EPS8: variants seen among roughly 807,000 people sequenced by gnomAD.
EPS8 encodes epidermal growth factor receptor kinase substrate 8.
A neutral mutation model predicts 103.8 loss-of-function variants in EPS8; 42 were observed. The observed-to-expected ratio is 0.40, with a 90% confidence interval of 0.32 to 0.52. The LOEUF is 0.52. EPS8 is among the 20% of genes least tolerant of loss of function. The pLI, the probability that EPS8 is intolerant of heterozygous loss-of-function variation, is 0.40. For missense variants in EPS8, 969 were observed against 1,005.1 expected (o/e 0.96, Z 0.49); for synonymous variants, 344 against 344.6 (o/e 1.00, Z 0.02).
chr12:15,689,146 TC>T (rs1740462635), intron 1 of EPS8, among the ~76,000 whole-genome samples: 2 of 152,076 alleles, frequency 1.3e-5, no homozygotes, highest in African/African-American at 2.4e-5. Flanking sequence ...TTTTTTTTTT[TC>T]AGTAAGTTAC....
rs915270937 is a variant in EPS8, at chr12:15,772,368, G to C, written c.-22+16793C>G. 2.6e-5 allele frequency among the ~76,000 whole-genome samples: 4 copies of C among 152,070 alleles called. No individual in the cohort carries two copies. Among genetic ancestry groups the C allele is most frequent in the Admixed American group, 6.6e-5 (1 of 15,260 alleles). On this transcript the variant is annotated intron_variant, in intron 1 of 20. Transcript: ENST00000281172. The surrounding 1 kb of genome is among the most constrained non-coding windows in gnomAD (Gnocchi z 5.0). The stretch of plus-strand genomic sequence containing the variant: ...AATAGAGTTAGAGTTCCCAAGAAAG[G>C]CATCACCTGAAGAACTGAGAGTAAC...
intron 1 of EPS8, among the ~76,000 whole-genome samples, chr12:15,750,275 T>C (rs1485413031): frequency 6.6e-6 from 1 of 152,186 alleles, no homozygotes; most frequent in South Asian, 2.1e-4. Context: ...TACATGCACA[T>C]GCACACACAC....
intron 18 of EPS8, 131 bp from the exon 19 acceptor site, chr12:15,624,538 C>A (rs1003676743): frequency 3.3e-6 from 2 of 608,218 alleles, no homozygotes; most frequent in Admixed American, 5.9e-5. Flanking sequence ...TCTTTCCTCA[C>A]TTTTATCCTC....
chr12:15,625,532 G>A (rs532458925), intron 18 of EPS8, among the ~76,000 whole-genome samples: 195 of 151,862 alleles, frequency 1.3e-3, no homozygotes, highest in South Asian at 0.011. Flanking sequence ...TCTTAATGTC[G>A]CCGAAATTCA....
intron 12 of EPS8, 177 bp from the exon 13 acceptor site, chr12:15,654,470 C>T: frequency 3.2e-6 from 2 of 631,408 alleles, no homozygotes; most frequent in Non-Finnish European, 5.5e-6. Context: ...CTTGCCCAGC[C>T]CAGCAGTGCT....
rs1383697879 is a variant in EPS8 at position 15,695,699 on chromosome 12, G to T, written c.-21-12727C>A. 6.6e-6 allele frequency among the ~76,000 whole-genome samples: 1 copy of T among 152,158 alleles called. No homozygotes were observed. Among genetic ancestry groups the T allele is most frequent in the Admixed American group, 6.5e-5 (1 of 15,272 alleles). On this transcript the variant is annotated intron_variant, in intron 1 of 20. Coordinates refer to ENST00000281172, the MANE Select transcript of EPS8 (RefSeq NM_004447.6). The surrounding 1 kb of genome is among the most constrained non-coding windows in gnomAD (Gnocchi z 5.0). ...GCATGAAATAAGAAAATGAGGCAGG[G>T]CATGGTGGCCCACACCTATAATCCC...
chr12:15,707,369 T>C (rs1313810854), intron 1 of EPS8, among the ~76,000 whole-genome samples: 1 of 152,182 alleles, frequency 6.6e-6, no homozygotes, highest in Non-Finnish European at 1.5e-5. Flanking sequence ...TGGCTAGAGT[T>C]TGCTGACCCT....
In EPS8 at chr12:15,737,379, A is replaced by G. The variant is rs562119875; in HGVS notation, c.-22+51782T>C. Among the ~76,000 whole-genome samples, 8 of 152,264 alleles carry G rather than the reference A, an allele frequency of 5.3e-5. No individual in the cohort carries two copies. The South Asian group carries it at 1.7e-3, about 32-fold the overall frequency. On this transcript the variant is annotated intron_variant, in intron 1 of 20. Coordinates refer to ENST00000281172, the MANE Select transcript of EPS8 (RefSeq NM_004447.6). ...AGTTTAGAAAAAATATACCAAAGGG[A>G]AGACTCTGTAACATAGATTAAAAAT...
intron 1 of EPS8, among the ~76,000 whole-genome samples, chr12:15,740,437 C>T (rs751378185): frequency 8.6e-5 from 13 of 151,854 alleles, no homozygotes; most frequent in African/African-American, 1.2e-4. Flanking sequence ...CCCAGCTACT[C>T]GGGAGGCCAA....
intron 1 of EPS8, among the ~76,000 whole-genome samples, chr12:15,687,759 A>T (rs1946115404): frequency 6.6e-6 from 1 of 152,214 alleles, no homozygotes; most frequent in Non-Finnish European, 1.5e-5. Flanking sequence ...CTATTCCCTG[A>T]GTTGCTATGA....
rs187962510 is a variant in EPS8 at position 15,784,139 on chromosome 12, G to C, written c.-22+5022C>G. Among the ~76,000 whole-genome samples the C allele has an allele frequency of 6.6e-6, 1 of 152,072 alleles. No individual in the cohort carries two copies. Among genetic ancestry groups the C allele is most frequent in the Non-Finnish European group, 1.5e-5 (1 of 67,970 alleles). On this transcript the variant is annotated intron_variant, in intron 1 of 20. Transcript: ENST00000281172. This position sits in a 1 kb window ranked among gnomAD's most constrained non-coding sequence, Gnocchi z 4.0. ...AACACAAAAGCCTATCCATGAAATT[G>C]GTAAGTTGGCCTTATTAAAATTAAA... is the stretch of plus-strand genomic sequence containing the variant.
chr12:15,715,323 T>C (rs1020024599), intron 1 of EPS8, among the ~76,000 whole-genome samples: 5 of 151,590 alleles, frequency 3.3e-5, no homozygotes, highest in Non-Finnish European at 7.4e-5. Context: ...GGCCCAACAG[T>C]GTTTCCTTCC....
rs1412793406 is a variant in EPS8, at chr12:15,669,758, A to C, written c.272T>G (p.Leu91Trp). ...MITVDDGIRK[L>W]KLLDAKGKVW... ...TTTGCCCTTGGCATCAAGCAATTTCAATTTCCTTATTCCATCATCAACAGT... is the reference window on the plus strand; with the variant it reads ...TTTGCCCTTGGCATCAAGCAATTTCCATTTCCTTATTCCATCATCAACAGT... The change falls in exon 5 of 21, where the codon TTG becomes TGG. Residue 91 changes from leucine to tryptophan, a missense_variant. By Grantham distance (61) the Leu-to-Trp change is moderately conservative. Transcript: ENST00000281172. 1 of 1,613,756 alleles carries C rather than the reference A, an allele frequency of 6.2e-7. No individual in the cohort carries two copies. Among genetic ancestry groups the C allele is most frequent in the Non-Finnish European group, 8.5e-7 (1 of 1,179,850 alleles).
intron 14 of EPS8, among the ~76,000 whole-genome samples, chr12:15,648,105 T>G (rs1945351409): frequency 6.6e-6 from 1 of 152,236 alleles, no homozygotes; most frequent in South Asian, 2.1e-4. Context: ...GCAGGCCTGC[T>G]GCTCACCTCC....
chr12:15,647,433 C>T (rs1945339332), intron 14 of EPS8, among the ~76,000 whole-genome samples, 173 bp from the exon 15 acceptor site: 1 of 152,160 alleles, frequency 6.6e-6, no homozygotes, highest in Non-Finnish European at 1.5e-5. Flanking sequence ...CAAATACTTA[C>T]TTATAATAAG....
intron 1 of EPS8, among the ~76,000 whole-genome samples, chr12:15,754,099 A>G (rs939169863): frequency 5.9e-5 from 9 of 152,186 alleles, no homozygotes; most frequent in Admixed American, 2.6e-4. Flanking sequence ...CTTTATCCCA[A>G]TGGACACTCT....
intron 1 of EPS8, among the ~76,000 whole-genome samples, chr12:15,783,290 T>G (rs1947278112): frequency 6.6e-6 from 1 of 152,216 alleles, no homozygotes; most frequent in Non-Finnish European, 1.5e-5. Flanking sequence ...AAGAATACAA[T>G]GTAATATACA....
chr12:15,726,652 T>C (rs1245809692), intron 1 of EPS8, among the ~76,000 whole-genome samples: 5 of 152,166 alleles, frequency 3.3e-5, no homozygotes, highest in Admixed American at 6.5e-5. Flanking sequence ...CTCCTTAAAA[T>C]AGTGAGACAG....
chr12:15,780,254 C>CT lies in EPS8; in HGVS notation c.-22+8906_-22+8907insA, dbSNP rs1343505229. ...TGCTCATTCAGTTCTTTCTAATACT[C>CT]CCGTAAGCTCTGAATGTGGGAATGT... On this transcript the variant is annotated intron_variant, in intron 1 of 20. Transcript: ENST00000281172. This position sits in a 1 kb window ranked among gnomAD's most constrained non-coding sequence, Gnocchi z 4.1. 3.3e-5 allele frequency: 5 copies of CT among 151,806 alleles called. No individual in the cohort carries two copies. The highest frequency in any genetic ancestry group is 1.2e-4 in the African/African-American group (5 of 41,150). 9.4% of individuals were successfully genotyped at this position (151,806 alleles called of 1,614,324 possible).
Sources: allele counts gnomAD v4.1 joint callset (sites outside exome capture counted in the v4.1 genomes callset), GRCh38; gene constraint gnomAD v4.1.1; non-coding constraint Gnocchi (gnomAD v3.1); transcripts MANE v1.5; gene names NCBI Gene and HGNC (gene_info 2026-07-23, HGNC 2026-07-21).